RREB1: variants seen among roughly 807,000 people sequenced by gnomAD.
The protein encoded by RREB1 is ras responsive element binding protein 1, also known as ras-responsive element-binding protein 1.
Under a neutral mutation model 117.8 loss-of-function variants are expected in RREB1, and 27 were observed. The observed-to-expected ratio is 0.23, with a 90% CI of 0.17 to 0.32. The LOEUF (loss-of-function observed/expected upper bound fraction) is 0.32. Ranked by LOEUF, RREB1 falls within the 10% of genes least tolerant of loss-of-function variation. The pLI is 1.00. For missense variants in RREB1, 2,577 were observed against 2,378.2 expected (o/e 1.08, Z -1.74); for synonymous variants, 1,298 against 1,026.7 (o/e 1.26, Z -5.05).
chr6:7,202,437 C>T (rs1766039888), intron 6 of RREB1, among the ~76,000 whole-genome samples: 1 of 152,210 alleles, frequency 6.6e-6, no homozygotes, highest in African/African-American at 2.4e-5. Flanking sequence ...GCACTTCCCT[C>T]CTCCTACAGA....
At chr6:7,191,221 A>AT (rs796819855) in intron 6 of RREB1, among the ~76,000 whole-genome samples, 2,507 of 145,778 alleles carry the variant, frequency 0.017, 54 homozygotes, top group African/African-American at 0.053. Flanking sequence ...TTCACTTTTC[A>AT]TTTTTTTTTT....
chr6:7,151,943 G>A (rs72816921), intron 1 of RREB1, among the ~76,000 whole-genome samples: 2,019 of 152,332 alleles, frequency 0.013, 26 homozygotes, highest in Non-Finnish European at 0.02. Flanking sequence ...CCAAGCAAGT[G>A]AAATCACAGA....
chr6:7,141,338 CG>C (rs1296999781), intron 1 of RREB1, among the ~76,000 whole-genome samples: 1 of 152,224 alleles, frequency 6.6e-6, no homozygotes, highest in Non-Finnish European at 1.5e-5. Flanking sequence ...GCGAAGGGCA[CG>C]GCCGCTGGGG....
rs372269320 is a variant in RREB1, at chr6:7,248,815, G to A, written c.5076G>A (p.Thr1692=). The A allele has an allele frequency of 3.6e-5, 58 of 1,613,434 alleles. No individual in the cohort carries two copies. The highest frequency in any genetic ancestry group is 4.5e-5 in the Non-Finnish European group (53 of 1,179,798). ...GCAGCCACAGGGAGGAGAAGGTCAC[G>A]GCAGGGTGGCCGTCTGAGCCTGGCC... ...KDCSHREEKV[T]AGWPSEPGQG... The change falls in exon 13 of 13, where the codon ACG becomes ACA. Residue 1692 remains threonine, a synonymous_variant. Coordinates refer to ENST00000379938, the MANE Select transcript of RREB1 (RefSeq NM_001003699.4).
chr6:7,235,927 TGAG>T (rs1435475459), intron 10 of RREB1, among the ~76,000 whole-genome samples: 1 of 152,154 alleles, frequency 6.6e-6, no homozygotes, highest in Non-Finnish European at 1.5e-5. Flanking sequence ...CTGTGTTTGA[TGAG>T]GAAGCTGGCA....
At chr6:7,120,702 C>T (rs1007873503) in intron 1 of RREB1, among the ~76,000 whole-genome samples, 39 of 150,838 alleles carry the variant, frequency 2.6e-4, no homozygotes, top group African/African-American at 8.8e-4. Flanking sequence ...GACAAGGCCT[C>T]GCTCTGTCAA....
intron 8 of RREB1, 73 bp from the exon 9 acceptor site, chr6:7,226,394 G>A (rs1767588201): frequency 8.9e-7 from 1 of 1,129,144 alleles, no homozygotes; most frequent in South Asian, 1.8e-5. Context: ...CTGGAAGAGT[G>A]GAAACTCTGA....
chr6:7,194,024 AATGTTAAACTATTTCT>A (rs764015297), intron 6 of RREB1, among the ~76,000 whole-genome samples: 104 of 152,268 alleles, frequency 6.8e-4, no homozygotes, highest in Non-Finnish European at 1.2e-3. Context: ...CGTTATTTTC[AATGTTAAACTATTTCT>A]GTCATCCCAG....
chr6:7,109,146 G>T (rs1003907638), intron 1 of RREB1, among the ~76,000 whole-genome samples: 38 of 151,876 alleles, frequency 2.5e-4, no homozygotes, highest in Admixed American at 1.1e-3. Flanking sequence ...GGAAACTTTT[G>T]TCCGCCGCCC....
At chr6:7,224,860 GCT>G (rs1276255647) in intron 8 of RREB1, among the ~76,000 whole-genome samples, 1 of 152,166 alleles carries the variant, frequency 6.6e-6, no homozygotes, top group Non-Finnish European at 1.5e-5. Flanking sequence ...GTTTTGAGTG[GCT>G]CATGGGAACC....
chr6:7,110,560 A>C (rs1455584975), intron 1 of RREB1, among the ~76,000 whole-genome samples: 2 of 151,808 alleles, frequency 1.3e-5, no homozygotes, highest in Non-Finnish European at 2.9e-5. Flanking sequence ...TCCTGCTTTG[A>C]TGTGCTTTGA....
intron 1 of RREB1, among the ~76,000 whole-genome samples, chr6:7,173,614 T>C (rs1244044263): frequency 6.6e-6 from 1 of 151,856 alleles, no homozygotes; most frequent in Non-Finnish European, 1.5e-5. Context: ...CTGGGCAACA[T>C]GGCAAAACCC....
At chr6:7,152,089 A>G (rs190383041) in intron 1 of RREB1, among the ~76,000 whole-genome samples, 1 of 152,370 alleles carries the variant, frequency 6.6e-6, no homozygotes, top group East Asian at 1.9e-4. Flanking sequence ...ACCTTGCTAA[A>G]TAATAGGGAG....
At chr6:7,205,801 C>T (rs1443822430) in intron 6 of RREB1, among the ~76,000 whole-genome samples, 1 of 152,148 alleles carries the variant, frequency 6.6e-6, no homozygotes, top group Admixed American at 6.5e-5. Flanking sequence ...ACAACCTACC[C>T]TGCTAAAATG....
intron 6 of RREB1, 30 bp downstream of exon 6, chr6:7,189,352 T>A: frequency 6.5e-7 from 1 of 1,542,416 alleles, no homozygotes; most frequent in Non-Finnish European, 8.8e-7. Flanking sequence ...GCTTGGGGGG[T>A]TGGCTGGTAC....
In RREB1 at chr6:7,248,564, A is replaced by G; in HGVS notation, c.4825A>G (p.Ser1609Gly). 1 of 1,614,278 alleles carries G rather than the reference A, an allele frequency of 6.2e-7. No individual in the cohort carries two copies. Residue 1609 changes from serine to glycine, a missense_variant, in exon 13 of 13, where the codon AGC becomes GGC. Ser to Gly is a moderately conservative substitution (Grantham distance 56). Coordinates refer to ENST00000379938, the MANE Select transcript of RREB1 (RefSeq NM_001003699.4). ...CGAGCGAACCTTCACCTTGAAGCAC[A>G]GCCTGGTTCGCCACCAGCGGATCCA... ...TCERTFTLKH[S>G]LVRHQRIHQK...
rs370169109 is a variant in RREB1 at position 7,182,096 on chromosome 6, C to G, written c.171+14C>G. 3.1e-6 allele frequency: 5 copies of G among 1,611,834 alleles called. No individual in the cohort carries two copies. The African/African-American group carries it at 6.7e-5, about 22-fold the overall frequency. Reference sequence around the variant, plus strand: ...AGAAGGAACCAGGTAAGTGTTCACACCTAGTGGTGACCTCTGGTGGGTTCA... The same window carrying G: ...AGAAGGAACCAGGTAAGTGTTCACAGCTAGTGGTGACCTCTGGTGGGTTCA... On this transcript the variant is annotated intron_variant, in intron 4 of 12. Transcript: ENST00000379938.
Position 7,248,670 on chromosome 6 carries a change from C to T in RREB1, c.4931C>T (p.Ser1644Phe). The change falls in exon 13 of 13, where the codon TCC (serine) becomes TTC (phenylalanine). Residue 1644 changes from serine to phenylalanine, a missense_variant. Ser to Phe is a radical substitution (Grantham distance 155). Transcript: ENST00000379938. ...GGTGAGGAGGACAGCGAGAATGAGT[C>T]CACCCACAGCGGCAACAACGCCGTC... The part of the protein sequence containing the change: ...ERGEEDSENE[S>F]THSGNNAVSE... 3.1e-6 allele frequency: 5 copies of T among 1,614,116 alleles called. No individual in the cohort carries two copies. The highest frequency in any genetic ancestry group is 4.2e-6 in the Non-Finnish European group (5 of 1,180,022).
intron 4 of RREB1, chr6:7,184,615 A>AT (rs1764983361): frequency 1.3e-5 from 2 of 152,042 alleles, no homozygotes; most frequent in South Asian, 4.1e-4. Flanking sequence ...TATAACTTGG[A>AT]TTTTGTGGAC....
Sources: allele counts gnomAD v4.1 joint callset (sites outside exome capture counted in the v4.1 genomes callset), GRCh38; gene constraint gnomAD v4.1.1; transcripts MANE v1.5; gene names NCBI Gene and HGNC (gene_info 2026-07-23, HGNC 2026-07-21).